MAF: variants seen among roughly 807,000 people sequenced by gnomAD.
MAF encodes transcription factor Maf.
Under a neutral mutation model 22.0 loss-of-function variants are expected in MAF, and 10 were observed. The observed-to-expected ratio is 0.45, with a 90% CI of 0.28 to 0.77. The LOEUF is 0.77. Among genes scored for constraint, MAF ranks in the 30% least tolerant of loss-of-function variants. The probability of loss-of-function intolerance (pLI) is 0.12; values close to 1 mark genes in which losing one functional copy is unlikely to be tolerated. For missense variants in MAF, 544 were observed against 548.4 expected (o/e 0.99, Z 0.08); for synonymous variants, 337 against 255.8 (o/e 1.32, Z -3.03).
the MAF span, among the ~76,000 whole-genome samples, chr16:79,560,636 A>C: frequency 6.6e-6 from 1 of 152,014 alleles, no homozygotes; most frequent in Non-Finnish European, 1.5e-5. Flanking sequence ...TTTCCATAAG[A>C]TACTCACTGT....
the MAF span, among the ~76,000 whole-genome samples, chr16:79,360,734 T>C: frequency 3.9e-5 from 6 of 152,160 alleles, no homozygotes; most frequent in African/African-American, 1.2e-4. Flanking sequence ...GGCATTTCAA[T>C]CATTTTCAGA....
the MAF span, among the ~76,000 whole-genome samples, chr16:79,443,799 A>G: frequency 1.3e-5 from 2 of 152,204 alleles, no homozygotes; most frequent in Non-Finnish European, 2.9e-5. Context: ...AATGACAATA[A>G]TAGTCACACC....
chr16:79,330,992 C>T, the MAF span, among the ~76,000 whole-genome samples: 3 of 152,152 alleles, frequency 2.0e-5, no homozygotes, highest in African/African-American at 7.2e-5. Context: ...TGGTAAGAAG[C>T]CATGTAAAGC....
the MAF span, among the ~76,000 whole-genome samples, chr16:79,236,880 A>G: frequency 6.6e-6 from 1 of 151,638 alleles, no homozygotes; most frequent in Non-Finnish European, 1.5e-5. Context: ...GCATGCGAGG[A>G]CATTTCTAAT....
chr16:79,240,573 C>G, the MAF span, among the ~76,000 whole-genome samples: 30 of 147,182 alleles, frequency 2.0e-4, no homozygotes, highest in African/African-American at 7.6e-4. Flanking sequence ...ACCCCCATCT[C>G]CCTGGGACAG....
the MAF span, among the ~76,000 whole-genome samples, chr16:79,234,060 A>G: frequency 6.6e-6 from 1 of 152,006 alleles, no homozygotes; most frequent in African/African-American, 2.4e-5. Context: ...CTTTCATTAA[A>G]TATTTTCAGA....
At chr16:79,371,365 C>A in the MAF span, among the ~76,000 whole-genome samples, 2 of 152,152 alleles carry the variant, frequency 1.3e-5, no homozygotes, top group African/African-American at 4.8e-5. Flanking sequence ...CACAGAGCCT[C>A]CCAGATTCAA....
At chr16:79,586,521 C>G (rs1244534793) in intron 1 of MAF, among the ~76,000 whole-genome samples, 2 of 152,218 alleles carry the variant, frequency 1.3e-5, no homozygotes, top group African/African-American at 4.8e-5. Flanking sequence ...TTGTTAACTT[C>G]TGCCCTGTTT....
chr16:79,536,978 G>C, the MAF span, among the ~76,000 whole-genome samples: 1 of 152,156 alleles, frequency 6.6e-6, no homozygotes, highest in Non-Finnish European at 1.5e-5. Context: ...TCAGTAGAGA[G>C]ACCTTTTATG....
At chr16:79,381,721 G>C in the MAF span, among the ~76,000 whole-genome samples, 6,318 of 152,144 alleles carry the variant, frequency 0.042, 253 homozygotes, top group East Asian at 0.17. Context: ...ATTCCTTCTC[G>C]GTTACACTAT....
chr16:79,560,514 T>C, the MAF span, among the ~76,000 whole-genome samples: 1 of 152,008 alleles, frequency 6.6e-6, no homozygotes, highest in Admixed American at 6.5e-5. Flanking sequence ...GTCCAAAATA[T>C]GATGCAATGG....
the MAF span, among the ~76,000 whole-genome samples, chr16:79,408,205 C>T: frequency 1.1e-4 from 17 of 151,456 alleles, no homozygotes; most frequent in African/African-American, 3.4e-4. Context: ...GAGATGGACT[C>T]TCGCTCTGTC....
the MAF span, among the ~76,000 whole-genome samples, chr16:79,534,894 C>T: frequency 6.6e-6 from 1 of 152,108 alleles, no homozygotes; most frequent in Non-Finnish European, 1.5e-5. Flanking sequence ...ACAGTGTGGG[C>T]CAACCGCTTC....
the MAF span, among the ~76,000 whole-genome samples, chr16:79,454,363 G>A: frequency 2.0e-5 from 3 of 151,834 alleles, no homozygotes; most frequent in African/African-American, 7.3e-5. Context: ...GAAGTCTGTT[G>A]TAAGAGAAGG....
At chr16:79,263,868 G>T in the MAF span, among the ~76,000 whole-genome samples, 1 of 151,938 alleles carries the variant, frequency 6.6e-6, no homozygotes, top group African/African-American at 2.4e-5. Context: ...GTTGCCACTT[G>T]CTCCACAACC....
chr16:79,377,702 G>A, the MAF span, among the ~76,000 whole-genome samples: 1 of 152,172 alleles, frequency 6.6e-6, no homozygotes, highest in African/African-American at 2.4e-5. Flanking sequence ...ATTAATTTTT[G>A]TATAAGGTGT....
the MAF span, among the ~76,000 whole-genome samples, chr16:79,538,121 T>G: frequency 6.6e-6 from 1 of 152,074 alleles, no homozygotes; most frequent in African/African-American, 2.4e-5. Flanking sequence ...TCAAAAACAA[T>G]TTTGAAAAAG....
chr16:79,597,455 T>C, intron 1 of MAF: 2 of 1,028,014 alleles, frequency 1.9e-6, no homozygotes, highest in Non-Finnish European at 2.3e-6. Flanking sequence ...AGCACAATTT[T>C]AGTCCCCAAA....
the MAF span, among the ~76,000 whole-genome samples, chr16:79,210,874 T>C: frequency 6.6e-6 from 1 of 152,216 alleles, no homozygotes; most frequent in Admixed American, 6.5e-5. Flanking sequence ...CTGCACTCTT[T>C]GCAACTTACA....
Sources: allele counts gnomAD v4.1 joint callset (sites outside exome capture counted in the v4.1 genomes callset), GRCh38; gene constraint gnomAD v4.1.1; transcripts MANE v1.5; gene names NCBI Gene and HGNC (gene_info 2026-07-23, HGNC 2026-07-21).